The following WDR59 variants were observed in gnomAD, a reference collection of about 807,000 sequenced individuals.
WDR59 encodes the protein WD repeat domain 59, also known as GATOR2 complex protein WDR59.
A neutral mutation model predicts 131.2 loss-of-function variants in WDR59; 100 were observed. That is an observed-to-expected ratio of 0.76 (90% CI 0.65 to 0.90). The LOEUF is 0.90. Among genes scored for constraint, WDR59 ranks in the 40% least tolerant of loss-of-function variants. The pLI, the probability that WDR59 is intolerant of heterozygous loss-of-function variation, is 0.00. For synonymous variants in WDR59, 601 were observed against 466.2 expected (o/e 1.29, Z -3.72); for missense variants, 1,203 against 1,262.2 (o/e 0.95, Z 0.71).
chr16:74,892,841 A>G (rs371808989), intron 19 of WDR59, among the ~76,000 whole-genome samples: 19 of 152,308 alleles, frequency 1.2e-4, no homozygotes, highest in Middle Eastern at 3.4e-3. Flanking sequence ...CAATTTACCA[A>G]CCAGCTTTTC....
In WDR59 at chr16:74,874,247, C is replaced by T. The variant is rs539083205; in HGVS notation, c.2887G>A (p.Gly963Arg). The change falls in exon 26 of 26, where the codon GGG becomes AGG. Residue 963 changes from glycine (G) to arginine (R), a missense_variant. Physicochemically the swap from Gly to Arg is moderately radical, Grantham distance 125 (BLOSUM62 -2). Transcript: ENST00000262144. ...WFRTQEVCPT[G>R]CGCHCLLEST... Reference sequence around the variant, plus strand: ...TCAAGCAGGCAGTGGCACCCACACCCGGTGGGACACACCTCCTGGGTCCGA... The same window carrying T: ...TCAAGCAGGCAGTGGCACCCACACCTGGTGGGACACACCTCCTGGGTCCGA... 6.2e-6 allele frequency: 10 copies of T among 1,614,140 alleles called. No individual in the cohort carries two copies. The highest frequency in any genetic ancestry group is 3.3e-5 in the South Asian group (3 of 91,072).
chr16:74,951,398 G>A (rs893273354), intron 4 of WDR59, 60 bp downstream of exon 4: 133 of 1,494,606 alleles, frequency 8.9e-5, no homozygotes, highest in African/African-American at 2.1e-4. Context: ...TCATCATTTC[G>A]TTCCCAGGGG....
chr16:74,952,007 G>T (rs555316870), intron 3 of WDR59, among the ~76,000 whole-genome samples: 3 of 150,200 alleles, frequency 2.0e-5, no homozygotes, highest in Non-Finnish European at 3.0e-5. Flanking sequence ...TTTTTCTTGA[G>T]ATGGGATCTA....
At chr16:74,966,861 A>G (rs545666995) in intron 1 of WDR59, among the ~76,000 whole-genome samples, 26 of 152,334 alleles carry the variant, frequency 1.7e-4, no homozygotes, top group Non-Finnish European at 2.9e-4. Flanking sequence ...CTAACTCCCA[A>G]GAGACTGCAA....
chr16:74,953,086 G>A (rs72798664), intron 3 of WDR59, among the ~76,000 whole-genome samples: 1,792 of 152,184 alleles, frequency 0.012, 30 homozygotes, highest in African/African-American at 0.032. Flanking sequence ...AGGCAAGCAA[G>A]GCTCAGAAAA....
Position 74,908,870 on chromosome 16 carries a change from C to T in WDR59, c.1712+38G>A, listed in dbSNP as rs78185943. On this transcript the variant is annotated intron_variant, in intron 17 of 25. Coordinates refer to ENST00000262144, the MANE Select transcript of WDR59 (RefSeq NM_030581.4). ...CCAGGTCTCTGGCCACTTCTGGCCC[C>T]GGGAACGTAGAGCGGCTTCTGCATC... is the stretch of plus-strand genomic sequence containing the variant. 5,127 of 1,597,830 alleles carry T rather than the reference C, an allele frequency of 3.2e-3. 159 individuals carry two copies. The South Asian group carries it at 0.048, about 15-fold the overall frequency.
intron 1 of WDR59, among the ~76,000 whole-genome samples, chr16:74,968,502 C>T (rs140511404): frequency 1.4e-3 from 220 of 152,254 alleles, no homozygotes; most frequent in African/African-American, 4.9e-3. Flanking sequence ...AGGCGGATCA[C>T]CTGAGGTAAG....
chr16:74,933,584 C>CTTTATTTA (rs1406588857), intron 8 of WDR59, among the ~76,000 whole-genome samples: 1 of 151,892 alleles, frequency 6.6e-6, no homozygotes, highest in Non-Finnish European at 1.5e-5. Flanking sequence ...CATTTCTTAT[C>CTTTATTTA]TTTATTTATT....
chr16:74,897,693 G>A lies in WDR59; in HGVS notation c.1867-3881C>T, dbSNP rs956197700. On this transcript the variant is annotated intron_variant, in intron 18 of 25. Coordinates refer to ENST00000262144, the MANE Select transcript of WDR59 (RefSeq NM_030581.4). ...GATCACCCTAATTAGAGTTGCTACC[G>A]GAACCAAACTGTAAAAGCAATTACG... 8.5e-5 allele frequency among the ~76,000 whole-genome samples: 13 copies of A among 152,218 alleles called. 1 individual carries two copies. The highest frequency in any genetic ancestry group is 6.5e-5 in the Admixed American group (1 of 15,282).
At chr16:74,906,833 T>A (rs1336240348) in intron 17 of WDR59, among the ~76,000 whole-genome samples, 2 of 152,184 alleles carry the variant, frequency 1.3e-5, no homozygotes, top group Non-Finnish European at 2.9e-5. Context: ...GTCCTCTGGG[T>A]GCTGAAGGGC....
At position 74,896,187 on chromosome 16, in the gene WDR59, G is replaced by A. The variant is rs189480899; in HGVS notation, c.1867-2375C>T. Among the ~76,000 whole-genome samples the A allele has an allele frequency of 2.8e-4, 42 of 152,228 alleles. 1 individual carries two copies. The highest frequency in any genetic ancestry group is 9.1e-4 in the African/African-American group (38 of 41,538). ...TAGGGTGGAAGGCTTCTAAAACACC[G>A]ATCCAGGCAGTCACTCTGGTTCTTT... On this transcript the variant is annotated intron_variant, in intron 18 of 25. Coordinates refer to ENST00000262144, the MANE Select transcript of WDR59 (RefSeq NM_030581.4).
chr16:74,958,617 A>AAAAAAAAAAAAAC (rs2033417550), intron 2 of WDR59, among the ~76,000 whole-genome samples: 1 of 144,228 alleles, frequency 6.9e-6, no homozygotes, highest in South Asian at 2.2e-4. Context: ...AAAAAAAAAA[A>AAAAAAAAAAAAAC]AAACAAGCTA....
intron 2 of WDR59, among the ~76,000 whole-genome samples, chr16:74,961,207 T>C (rs1437171640): frequency 6.6e-6 from 1 of 151,098 alleles, no homozygotes; most frequent in Admixed American, 6.6e-5. Context: ...AGTTTGGAGG[T>C]TGAGGTGGAA....
At chr16:74,886,827 G>A (rs1023774848) in intron 23 of WDR59, among the ~76,000 whole-genome samples, 1 of 152,156 alleles carries the variant, frequency 6.6e-6, no homozygotes, top group Non-Finnish European at 1.5e-5. Context: ...GGAGGCTGAG[G>A]CAGGAGAATC....
intron 17 of WDR59, among the ~76,000 whole-genome samples, chr16:74,907,856 T>C (rs1211359140): frequency 6.6e-6 from 1 of 152,168 alleles, no homozygotes; most frequent in Non-Finnish European, 1.5e-5. Context: ...AGGTGGTAAG[T>C]GCTATGATGA....
At chr16:74,891,179 T>C (rs997209923) in intron 20 of WDR59, among the ~76,000 whole-genome samples, 9 of 151,220 alleles carry the variant, frequency 6.0e-5, no homozygotes, top group Admixed American at 3.3e-4. Flanking sequence ...CAGCACAGCA[T>C]TGTATGCCCA....
In WDR59 at chr16:74,893,678, C is replaced by T; in HGVS notation, c.2000+1G>A. 1 of 1,613,924 alleles carries T rather than the reference C, an allele frequency of 6.2e-7. No individual in the cohort carries two copies. The highest frequency in any genetic ancestry group is 8.5e-7 in the Non-Finnish European group (1 of 1,179,912). On this transcript the variant is annotated splice_donor_variant, in intron 19 of 25. Transcript: ENST00000262144. LOFTEE classifies it high-confidence loss of function. The stretch of plus-strand genomic sequence containing the variant: ...CAGCAGACTTGAAATTTTGTACTTA[C>T]ATGTACAGCTCTCCCAGCGATTTGT...
At chr16:74,887,544 A>T in intron 23 of WDR59, 139 bp downstream of exon 23, 1 of 794,912 alleles carries the variant, frequency 1.3e-6, no homozygotes, top group Non-Finnish European at 2.0e-6. Flanking sequence ...CTCCAGCAAG[A>T]GTATCCCTAT....
intron 17 of WDR59, chr16:74,904,371 A>G: frequency 1.4e-5 from 5 of 345,498 alleles, no homozygotes; most frequent in Non-Finnish European, 2.6e-5. Flanking sequence ...ACAAATATCT[A>G]CTATAGTTCT....
Sources: allele counts gnomAD v4.1 joint callset (sites outside exome capture counted in the v4.1 genomes callset), GRCh38; gene constraint gnomAD v4.1.1; transcripts MANE v1.5; gene names NCBI Gene and HGNC (gene_info 2026-07-23, HGNC 2026-07-21).